LYPD6: variants seen among roughly 807,000 people sequenced by gnomAD.
LYPD6 encodes ly6/PLAUR domain-containing protein 6.
A neutral mutation model predicts 22.7 loss-of-function variants in LYPD6; 15 were observed. That is an observed-to-expected ratio of 0.66 (90% confidence interval 0.44 to 1.02). LYPD6 has a LOEUF of 1.02. LYPD6 is among the 50% of genes least tolerant of loss of function. The probability of loss-of-function intolerance (pLI) is 0.00; values close to 1 mark genes in which losing one functional copy is unlikely to be tolerated. For missense variants in LYPD6, 189 were observed against 208.4 expected, an observed-to-expected ratio of 0.91 and a Z score of 0.57; for synonymous variants, 72 against 77.5, an observed-to-expected ratio of 0.93 and a Z score of 0.37.
At chr2:149,408,274 CAG>C (rs1309198656) in intron 1 of LYPD6, among the ~76,000 whole-genome samples, 1 of 152,180 alleles carries the variant, frequency 6.6e-6, no homozygotes, top group Non-Finnish European at 1.5e-5. Context: ...AGCTGTCAGA[CAG>C]GGACATTTTC....
downstream of LYPD6, chr2:149,474,249 T>C (rs953818767): frequency 6.6e-6 from 1 of 152,174 alleles, no homozygotes; most frequent in African/African-American, 2.4e-5. Flanking sequence ...CAGGCTGGAA[T>C]GCAGTGTCAC....
the LYPD6 span, among the ~76,000 whole-genome samples, chr2:149,485,827 A>G: frequency 1.1e-4 from 17 of 152,292 alleles, no homozygotes; most frequent in South Asian, 1.2e-3. Context: ...AAAACACAAA[A>G]TGTACATGGG....
chr2:149,409,600 ATC>A (rs1303454092), intron 1 of LYPD6, among the ~76,000 whole-genome samples: 8 of 151,930 alleles, frequency 5.3e-5, no homozygotes, highest in African/African-American at 1.7e-4. Context: ...TGAGCTCAGC[ATC>A]TCTTTGGGTG....
chr2:149,388,296 C>T lies in LYPD6; in HGVS notation c.-71-49342C>T, dbSNP rs190977315. Among the ~76,000 whole-genome samples the T allele has an allele frequency of 1.3e-3, 199 of 150,838 alleles. 1 individual carries two copies. The highest frequency in any genetic ancestry group is 4.0e-3 in the African/African-American group (163 of 41,072). ...TTGGTGTGCCATGGATATACAAGGG[C>T]GCAGGGTTAGCCTGGGATGAATCAT... On this transcript the variant is annotated intron_variant, in intron 1 of 4. Coordinates refer to ENST00000334166, the MANE Select transcript of LYPD6 (RefSeq NM_194317.5).
intron 1 of LYPD6, among the ~76,000 whole-genome samples, chr2:149,339,749 A>T (rs1681124787): frequency 6.6e-6 from 1 of 152,186 alleles, no homozygotes; most frequent in African/African-American, 2.4e-5. Flanking sequence ...CCTGTCCTGC[A>T]TTCCCCCCTG....
At chr2:149,382,230 T>C (rs1682081496) in intron 1 of LYPD6, among the ~76,000 whole-genome samples, 1 of 152,296 alleles carries the variant, frequency 6.6e-6, no homozygotes, top group Middle Eastern at 3.4e-3. Context: ...ATAATTTCCT[T>C]AAGTGCAAAG....
intron 4 of LYPD6, 78 bp from the exon 5 acceptor site, chr2:149,470,605 C>T (rs1681310172): frequency 3.1e-6 from 4 of 1,301,850 alleles, no homozygotes; most frequent in Non-Finnish European, 4.4e-6. Flanking sequence ...GCCATGTGGG[C>T]GACAGTGCCT....
At chr2:149,352,357 G>A (rs1681374188) in intron 1 of LYPD6, among the ~76,000 whole-genome samples, 1 of 152,156 alleles carries the variant, frequency 6.6e-6, no homozygotes, top group African/African-American at 2.4e-5. Context: ...GCCTATTTAT[G>A]TAGAGTACTC....
intron 1 of LYPD6, among the ~76,000 whole-genome samples, chr2:149,366,123 G>T (rs1422986309): frequency 6.6e-6 from 1 of 152,080 alleles, no homozygotes; most frequent in African/African-American, 2.4e-5. Context: ...ATTTGCTTTT[G>T]TTTTCCATAT....
rs1442457948 is a variant in LYPD6 at position 149,336,173 on chromosome 2, CTGAG to C, written c.-72+5454_-72+5457del. ...AAAATGGAGATCAATAGGTATATCT[CTGAG>C]TGGACAAATAGCCTCTTCCAGGAAG... On this transcript the variant is annotated intron_variant, in intron 1 of 4. Coordinates refer to ENST00000334166, the MANE Select transcript of LYPD6 (RefSeq NM_194317.5). Among the ~76,000 whole-genome samples, 3 of 152,310 alleles carry C rather than the reference CTGAG, an allele frequency of 2.0e-5. No homozygotes were observed. The East Asian group carries it at 5.8e-4, about 29-fold the overall frequency.
intron 2 of LYPD6, among the ~76,000 whole-genome samples, chr2:149,445,306 T>G (rs1281851210): frequency 6.6e-6 from 1 of 152,250 alleles, no homozygotes; most frequent in Non-Finnish European, 1.5e-5. Flanking sequence ...TTTTAAAGTC[T>G]CAAGGATTTT....
intron 1 of LYPD6, among the ~76,000 whole-genome samples, chr2:149,391,816 A>G (rs1419073811): frequency 6.6e-6 from 1 of 152,196 alleles, no homozygotes; most frequent in East Asian, 1.9e-4. Context: ...GGCTATGTGC[A>G]TCCCTATTGG....
At chr2:149,399,235 G>A (rs1682498440) in intron 1 of LYPD6, among the ~76,000 whole-genome samples, 2 of 152,016 alleles carry the variant, frequency 1.3e-5, no homozygotes, top group African/African-American at 4.8e-5. Flanking sequence ...CTGCAACAGT[G>A]TTATTAGTAC....
intron 1 of LYPD6, among the ~76,000 whole-genome samples, chr2:149,381,159 T>A (rs544075200): frequency 1.1e-4 from 17 of 152,142 alleles, no homozygotes; most frequent in South Asian, 6.2e-4. Context: ...GTAAAGACTC[T>A]TGAAGAGTTT....
intron 1 of LYPD6, among the ~76,000 whole-genome samples, chr2:149,339,864 C>A (rs193050463): frequency 5.6e-4 from 85 of 152,184 alleles, no homozygotes; most frequent in Non-Finnish European, 1.1e-3. Context: ...GATTGTTAGG[C>A]AAAACGAAAG....
At chr2:149,351,392 TA>T (rs71397025) in intron 1 of LYPD6, among the ~76,000 whole-genome samples, 6,114 of 83,036 alleles carry the variant, frequency 0.074, 140 homozygotes, top group South Asian at 0.1. Context: ...AGACTCCATC[TA>T]AAAAAAAAAA....
At chr2:149,350,183 A>C (rs1371024047) in intron 1 of LYPD6, among the ~76,000 whole-genome samples, 1 of 152,224 alleles carries the variant, frequency 6.6e-6, no homozygotes, top group Non-Finnish European at 1.5e-5. Flanking sequence ...ATGGTTAGAG[A>C]CATTGTGCCT....
intron 2 of LYPD6, among the ~76,000 whole-genome samples, chr2:149,448,519 ACCCACCTCTCTC>A (rs1558811703): frequency 1.3e-5 from 2 of 151,830 alleles, no homozygotes; most frequent in South Asian, 2.1e-4. Context: ...CTGGCCTCAA[ACCCACCTCTCTC>A]CCCACCTCTC....
Sources: allele counts gnomAD v4.1 joint callset (sites outside exome capture counted in the v4.1 genomes callset), GRCh38; gene constraint gnomAD v4.1.1; transcripts MANE v1.5; gene names NCBI Gene and HGNC (gene_info 2026-07-23, HGNC 2026-07-21).